MTG1: variants seen among roughly 807,000 people sequenced by gnomAD.
The protein encoded by MTG1 is mitochondrial ribosome associated GTPase 1, also known as mitochondrial ribosome-associated GTPase 1.
In MTG1, 30 loss-of-function variants were observed where a neutral mutation model predicts 39.5. The ratio of observed to expected loss-of-function variants is 0.76; its 90% CI spans 0.57 to 1.03. The LOEUF (loss-of-function observed/expected upper bound fraction) is 1.03. MTG1 is among the 50% of genes least tolerant of loss of function. The pLI is 0.00. For missense variants in MTG1, 513 were observed against 447.4 expected (o/e 1.15, Z -1.32); for synonymous variants, 217 against 179.0 (o/e 1.21, Z -1.69).
At chr10:133,398,756 G>C (rs1849825305) in intron 4 of MTG1, among the ~76,000 whole-genome samples, 1 of 152,216 alleles carries the variant, frequency 6.6e-6, no homozygotes, top group African/African-American at 2.4e-5. Context: ...TGGAGACTCA[G>C]GTAGCTCATG....
chr10:133,398,406 G>A, intron 3 of MTG1, 29 bp from the exon 4 acceptor site: 1 of 1,605,992 alleles, frequency 6.2e-7, no homozygotes, highest in Non-Finnish European at 8.5e-7. Context: ...AGTAAAAAAA[G>A]TAACATAGAA....
intron 1 of MTG1, chr10:133,394,769 T>G: frequency 1.0e-6 from 1 of 983,204 alleles, no homozygotes; most frequent in Non-Finnish European, 1.2e-6. Flanking sequence ...GTATCTTGAG[T>G]CGTTCTCCTG....
intron 5 of MTG1, 39 bp from the exon 6 acceptor site, chr10:133,399,490 C>T (rs1177129841): frequency 6.3e-7 from 1 of 1,594,548 alleles, no homozygotes; most frequent in African/African-American, 1.3e-5. Flanking sequence ...GCTCTAGCGG[C>T]CACGGTGGGC....
intron 1 of MTG1, chr10:133,394,799 C>G (rs757237676): frequency 9.5e-6 from 9 of 952,186 alleles, no homozygotes; most frequent in Non-Finnish European, 1.1e-5. Flanking sequence ...TTTGGTAATT[C>G]TTACTGTTTG....
chr10:133,402,734 ACTACCTGCT>A lies in MTG1; in HGVS notation c.714_722del (p.Asp238_Leu241delinsGlu). Reference sequence around the variant, plus strand: ...CTGGTCGGGGAGGAGACCATGGCTGACTACCTGCTGTACACCCTCAACAAACACCAGCGC... The same window carrying A: ...CTGGTCGGGGAGGAGACCATGGCTGAGTACACCCTCAACAAACACCAGCGC... On this transcript the variant is annotated inframe_deletion, in exon 9 of 11. Coordinates refer to ENST00000317502, the MANE Select transcript of MTG1 (RefSeq NM_138384.4). The surrounding 1 kb of genome is among the most constrained non-coding windows in gnomAD (Gnocchi z 4.7). 1 of 1,608,750 alleles carries A rather than the reference ACTACCTGCT, an allele frequency of 6.2e-7. No individual in the cohort carries two copies. The highest frequency in any genetic ancestry group is 8.5e-7 in the Non-Finnish European group (1 of 1,177,904).
rs566070264 is a variant in MTG1, at chr10:133,415,402, ACCTTTGTTTTGAAAGATATTTTCTCT to A, written c.753-4077_753-4052del. 7.5e-3 allele frequency among the ~76,000 whole-genome samples: 1,140 copies of A among 152,208 alleles called. 8 individuals are homozygous for A. The highest frequency in any genetic ancestry group is 0.048 in the Middle Eastern group (14 of 294). Reference sequence around the variant, plus strand: ...GGTTGTCTGAAGATGTCTTTATTTCACCTTTGTTTTGAAAGATATTTTCTCTACGTGTAGAATTCCAGATTGACGGG... The same window carrying A: ...GGTTGTCTGAAGATGTCTTTATTTCAACGTGTAGAATTCCAGATTGACGGG... On this transcript the variant is annotated intron_variant, in intron 9 of 10. Transcript: ENST00000317502.
In MTG1 at chr10:133,402,508, C is replaced by T. The variant is rs1470352391; in HGVS notation, c.671-184C>T. The stretch of plus-strand genomic sequence containing the variant: ...GGGCAGAGAGGTTGGTCGCAGGTGC[C>T]AGGCAGGAGTGGGGGCCGGGACCAC... On this transcript the variant is annotated intron_variant, in intron 8 of 10. Transcript: ENST00000317502. This position sits in a 1 kb window ranked among gnomAD's most constrained non-coding sequence, Gnocchi z 4.7. The T allele has an allele frequency of 2.9e-6, 2 of 699,162 alleles. No individual in the cohort carries two copies. Among genetic ancestry groups the T allele is most frequent in the African/African-American group, 1.8e-5 (1 of 55,812 alleles). 43.3% of individuals were successfully genotyped at this position (699,162 alleles called of 1,614,324 possible).
chr10:133,402,739 C>T lies in MTG1; in HGVS notation c.718C>T (p.Leu240=), dbSNP rs1445701395. ...LVGEETMADY[L]LYTLNKHQRF... is the part of the protein sequence containing the mutation. Reference sequence around the variant, plus strand: ...CGGGGAGGAGACCATGGCTGACTACCTGCTGTACACCCTCAACAAACACCA... The same window carrying T: ...CGGGGAGGAGACCATGGCTGACTACTTGCTGTACACCCTCAACAAACACCA... The change falls in exon 9 of 11, where the codon CTG becomes TTG. Residue 240 remains leucine (L), a synonymous_variant. Transcript: ENST00000317502. The surrounding 1 kb of genome is among the most constrained non-coding windows in gnomAD (Gnocchi z 4.7). 6.2e-7 allele frequency: 1 copy of T among 1,608,498 alleles called. No individual in the cohort carries two copies. Among genetic ancestry groups the T allele is most frequent in the East Asian group, 2.2e-5 (1 of 44,746 alleles).
In MTG1 at chr10:133,415,959, C is replaced by CGCGGGTGTCGGGCAG. The variant is rs1206961330; in HGVS notation, c.753-3509_753-3495dup. 1.9e-3 allele frequency among the ~76,000 whole-genome samples: 209 copies of CGCGGGTGTCGGGCAG among 112,708 alleles called. 1 individual carries two copies. The highest frequency in any genetic ancestry group is 3.2e-3 in the Non-Finnish European group (169 of 53,322). 73.9% of individuals were successfully genotyped at this position (112,708 alleles called of 152,430 possible). Reference sequence around the variant, plus strand: ...GTATCAGGCACGCAGTTATCAGGCACGCGGGTGTCGGGCAGGCGGGTGTCG... The same window carrying CGCGGGTGTCGGGCAG: ...GTATCAGGCACGCAGTTATCAGGCACGCGGGTGTCGGGCAGGCGGGTGTCGGGCAGGCGGGTGTCG... On this transcript the variant is annotated intron_variant, in intron 9 of 10. Transcript: ENST00000317502.
At chr10:133,397,218 C>T (rs994905159) in intron 3 of MTG1, among the ~76,000 whole-genome samples, 3 of 152,138 alleles carry the variant, frequency 2.0e-5, no homozygotes, top group Non-Finnish European at 2.9e-5. Flanking sequence ...GAAATAATGG[C>T]GTAAGCTGTC....
chr10:133,408,578 G>A (rs1850002197), intron 9 of MTG1, among the ~76,000 whole-genome samples: 1 of 152,150 alleles, frequency 6.6e-6, no homozygotes, highest in African/African-American at 2.4e-5. Flanking sequence ...AGTGACTTTG[G>A]AAGTGTTCCC....
intron 9 of MTG1, among the ~76,000 whole-genome samples, chr10:133,407,725 C>A (rs141925516): frequency 6.6e-6 from 1 of 151,744 alleles, no homozygotes; most frequent in South Asian, 2.1e-4. Flanking sequence ...TGTGCCACCA[C>A]GCCTGGCTCA....
At position 133,408,843 on chromosome 10, in the gene MTG1, C is replaced by T. The variant is rs192306155; in HGVS notation, c.752+6070C>T. Among the ~76,000 whole-genome samples the T allele has an allele frequency of 6.7e-4, 102 of 152,176 alleles. 1 individual carries two copies. The highest frequency in any genetic ancestry group is 4.2e-4 in the South Asian group (2 of 4,816). On this transcript the variant is annotated intron_variant, in intron 9 of 10. Transcript: ENST00000317502. ...TCCAGTTCGTTGCTGTGTAGTTGTT[C>T]GTAGTAGTCCCTAATGATCCCTTGT...
At chr10:133,419,451 C>A in intron 9 of MTG1, 29 bp from the exon 10 acceptor site, 1 of 1,559,228 alleles carries the variant, frequency 6.4e-7, no homozygotes, top group Non-Finnish European at 8.7e-7. Flanking sequence ...TGCTGGGCCC[C>A]CTGGTGCTGA....
intron 9 of MTG1, among the ~76,000 whole-genome samples, chr10:133,405,696 A>G (rs748422281): frequency 7.2e-5 from 11 of 152,160 alleles, no homozygotes; most frequent in Non-Finnish European, 1.6e-4. Flanking sequence ...CTAATATTTC[A>G]TTGTGTTTTA....
intron 9 of MTG1, among the ~76,000 whole-genome samples, chr10:133,405,167 T>C (rs987927284): frequency 1.3e-5 from 2 of 152,214 alleles, no homozygotes; most frequent in Non-Finnish European, 2.9e-5. Flanking sequence ...AGTGTATCTC[T>C]TCATTTATTT....
At position 133,420,037 on chromosome 10, in the gene MTG1, A is replaced by G. The variant is rs2255246; in HGVS notation, c.877A>G (p.Ile293Val). ...CTCCCGTCCCCCAGGTAACGTGAAC[A>G]TTATTCAGCCTAACTATCCTGCGGC... ...KVLTGTGNVN[I>V]IQPNYPAAAR... The change falls in exon 11 of 11, where the codon ATT becomes GTT. Residue 293 changes from isoleucine to valine, a missense_variant. Physicochemically the swap from Ile to Val is conservative, Grantham distance 29. Transcript: ENST00000317502. 1,610,520 of 1,611,272 alleles carry G rather than the reference A, an allele frequency of 1. 804,888 individuals are homozygous for G. Among genetic ancestry groups the G allele is most frequent in the East Asian group, 1 (44,802 of 44,802 alleles).
At chr10:133,397,976 C>T (rs1476077629) in intron 3 of MTG1, among the ~76,000 whole-genome samples, 3 of 152,116 alleles carry the variant, frequency 2.0e-5, no homozygotes, top group Non-Finnish European at 4.4e-5. Flanking sequence ...GGTAGACTTG[C>T]CCCTGGGTGG....
At chr10:133,418,060 G>A (rs1172307056) in intron 9 of MTG1, among the ~76,000 whole-genome samples, 2 of 152,152 alleles carry the variant, frequency 1.3e-5, no homozygotes, top group Admixed American at 6.5e-5. Context: ...CTACAGTGCA[G>A]TGGCACAATC....
Sources: allele counts gnomAD v4.1 joint callset (sites outside exome capture counted in the v4.1 genomes callset), GRCh38; gene constraint gnomAD v4.1.1; non-coding constraint Gnocchi (gnomAD v3.1); transcripts MANE v1.5; gene names NCBI Gene and HGNC (gene_info 2026-07-23, HGNC 2026-07-21).